Variants in IKBKB observed in about 807,000 individuals in gnomAD.
IKBKB encodes the protein inhibitor of nuclear factor kappa B kinase subunit beta, also known as inhibitor of nuclear factor kappa-B kinase subunit beta.
In IKBKB, 42 loss-of-function variants were observed where a neutral mutation model predicts 113.6. The observed-to-expected ratio is 0.37, with a 90% CI of 0.29 to 0.48. The LOEUF is 0.48. IKBKB is among the 20% of genes least tolerant of loss of function. The pLI is 0.99. For synonymous variants in IKBKB, 296 were observed against 361.3 expected, an observed-to-expected ratio of 0.82 and a Z score of 2.05; for missense variants, 673 against 939.7, an observed-to-expected ratio of 0.72 and a Z score of 3.71.
At chr8:42,295,023 GTTA>G (rs752866950) in intron 5 of IKBKB, among the ~76,000 whole-genome samples, 6 of 147,774 alleles carry the variant, frequency 4.1e-5, no homozygotes, top group Admixed American at 6.7e-5. Context: ...GCTTTGTCAA[GTTA>G]TTATTTTTTT....
chr8:42,311,610 A>G (rs1369499415), intron 8 of IKBKB, among the ~76,000 whole-genome samples: 1 of 151,872 alleles, frequency 6.6e-6, no homozygotes, highest in Non-Finnish European at 1.5e-5. Flanking sequence ...AATAAAGTGT[A>G]TCCTTTGAAA....
intron 16 of IKBKB, 148 bp downstream of exon 16, chr8:42,320,992 A>G (rs2130673869): frequency 3.8e-6 from 2 of 520,676 alleles, no homozygotes; most frequent in Middle Eastern, 4.8e-4. Flanking sequence ...GCAAATCATC[A>G]CTGAGCTTCA....
In IKBKB at chr8:42,322,422, G is replaced by A; in HGVS notation, c.1914G>A (p.Glu638=). ...AAGAGGTGGTGAGCTTAATGAATGA[G>A]GATGAGAAGACTGTTGTCCGGCTGC... ...KVEEVVSLMN[E]DEKTVVRLQE... The change falls in exon 19 of 22, where the codon GAG becomes GAA. Residue 638 remains glutamate, a synonymous_variant. Transcript: ENST00000520810. 6.2e-7 allele frequency: 1 copy of A among 1,614,018 alleles called. No individual in the cohort carries two copies. The highest frequency in any genetic ancestry group is 8.5e-7 in the Non-Finnish European group (1 of 1,180,022).
At chr8:42,277,479 C>T (rs949089861) in intron 2 of IKBKB, among the ~76,000 whole-genome samples, 4 of 152,072 alleles carry the variant, frequency 2.6e-5, no homozygotes, top group South Asian at 2.1e-4. Context: ...CACTAACAGG[C>T]GCCTGGCCTG....
At chr8:42,293,371 G>T in intron 4 of IKBKB, 72 bp from the exon 5 acceptor site, 5 of 1,595,218 alleles carry the variant, frequency 3.1e-6, no homozygotes, top group East Asian at 2.2e-5. Flanking sequence ...ACATGGGCTG[G>T]TAAGAGACAT....
chr8:42,317,203 G>C, intron 11 of IKBKB: 2 of 307,194 alleles, frequency 6.5e-6, no homozygotes. Context: ...CCTCTTCCAA[G>C]TGTACTAAAA....
intron 7 of IKBKB, among the ~76,000 whole-genome samples, chr8:42,307,104 G>T (rs909818876): frequency 2.0e-5 from 3 of 152,166 alleles, no homozygotes; most frequent in Non-Finnish European, 4.4e-5. Context: ...TGTGGTGAGT[G>T]TTACAAAGCA....
chr8:42,278,456 G>A (rs1053842813), intron 2 of IKBKB, among the ~76,000 whole-genome samples: 3 of 152,214 alleles, frequency 2.0e-5, no homozygotes, highest in African/African-American at 7.2e-5. Context: ...GAAAAAATCA[G>A]CTCTCGGAAG....
intron 2 of IKBKB, among the ~76,000 whole-genome samples, chr8:42,283,986 G>C (rs1236802448): frequency 6.6e-6 from 1 of 152,166 alleles, no homozygotes; most frequent in African/African-American, 2.4e-5. Flanking sequence ...CGGGGCCATC[G>C]GTCTCTGTTT....
At chr8:42,308,268 C>CT (rs75642735) in intron 7 of IKBKB, among the ~76,000 whole-genome samples, 30 of 142,546 alleles carry the variant, frequency 2.1e-4, no homozygotes, top group African/African-American at 6.0e-4. Context: ...TGCTGCAACC[C>CT]TTTTTTTTTT....
Position 42,332,078 on chromosome 8 carries a change from C to G in IKBKB, c.*1099C>G, listed in dbSNP as rs1428842213. The G allele has an allele frequency of 6.6e-6, 1 of 152,410 alleles. No individual in the cohort carries two copies. Among genetic ancestry groups the G allele is most frequent in the East Asian group, 1.9e-4 (1 of 5,202 alleles). The allele number at this position is 152,410 out of a possible 1,614,324, so 9.4% of individuals were successfully genotyped here. A position where few individuals can be genotyped will look rare whatever the true frequency, so the allele number is the denominator to read the frequency against. Reference sequence around the variant, plus strand: ...ATAACCCTGCTTCTTCAACATTTCACAGAACTTCTCTTTTATATAAAGGCA... The same window carrying G: ...ATAACCCTGCTTCTTCAACATTTCAGAGAACTTCTCTTTTATATAAAGGCA... On this transcript the variant is annotated 3_prime_UTR_variant, in exon 22 of 22. Coordinates refer to ENST00000520810, the MANE Select transcript of IKBKB (RefSeq NM_001556.3).
chr8:42,272,607 C>T (rs1394804440), intron 2 of IKBKB, among the ~76,000 whole-genome samples: 1 of 151,978 alleles, frequency 6.6e-6, no homozygotes, highest in East Asian at 1.9e-4. Flanking sequence ...GCAGCCTGGG[C>T]AACATAGCAA....
At chr8:42,287,894 T>C (rs1307219496) in intron 2 of IKBKB, among the ~76,000 whole-genome samples, 1 of 152,134 alleles carries the variant, frequency 6.6e-6, no homozygotes, top group Non-Finnish European at 1.5e-5. Flanking sequence ...CACTATTAGG[T>C]TGAACCACAT....
Position 42,331,517 on chromosome 8 carries a change from C to T in IKBKB, c.*538C>T. On this transcript the variant is annotated 3_prime_UTR_variant, in exon 22 of 22. Coordinates refer to ENST00000520810, the MANE Select transcript of IKBKB (RefSeq NM_001556.3). ...TGTGTTTCTTCTGGATTCAGCTTCT[C>T]CTAAACAGACAGTTTAATTATAGTT... The T allele has an allele frequency of 1.5e-6, 1 of 646,828 alleles. No homozygotes were observed. 40.1% of individuals were successfully genotyped at this position (646,828 alleles called of 1,614,324 possible).
intron 21 of IKBKB, chr8:42,329,734 G>A (rs535235994): frequency 2.0e-6 from 2 of 985,418 alleles, no homozygotes; most frequent in African/African-American, 1.7e-5. Context: ...GCAGGAACCA[G>A]CCATGGCCTT....
intron 19 of IKBKB, chr8:42,325,348 C>G (rs1415985594): frequency 1.0e-6 from 1 of 985,664 alleles, no homozygotes; most frequent in Non-Finnish European, 1.2e-6. Flanking sequence ...TGTCTGTCTT[C>G]TACCTGGAAA....
At chr8:42,311,164 C>T (rs1372574444) in intron 8 of IKBKB, among the ~76,000 whole-genome samples, 1 of 152,176 alleles carries the variant, frequency 6.6e-6, no homozygotes, top group Non-Finnish European at 1.5e-5. Flanking sequence ...CCCCTTTCAC[C>T]ACATCCTTGC....
chr8:42,326,202 CCT>C, intron 20 of IKBKB, 105 bp downstream of exon 20: 1 of 1,351,542 alleles, frequency 7.4e-7, no homozygotes, highest in Admixed American at 2.1e-5. Flanking sequence ...GGTATTACCA[CCT>C]CTCTGGATGT....
chr8:42,316,678 G>T lies in IKBKB; in HGVS notation c.931-32G>T. The T allele has an allele frequency of 6.3e-7, 1 of 1,585,044 alleles. No homozygotes were observed. The highest frequency in any genetic ancestry group is 1.1e-5 in the South Asian group (1 of 87,838). ...AGATGGGCATTTCCTTGAAGAAATC[G>T]GTTTTCCAGTAACATCTGGGTTGTG... is the stretch of plus-strand genomic sequence containing the variant. On this transcript the variant is annotated intron_variant, in intron 10 of 21. Transcript: ENST00000520810. The surrounding 1 kb of genome is among the most constrained non-coding windows in gnomAD (Gnocchi z 4.5).
Sources: gnomAD v4.1 joint callset for allele counts (sites outside exome capture counted in the v4.1 genomes callset) on GRCh38, gnomAD v4.1.1 for gene constraint, Gnocchi (gnomAD v3.1) non-coding constraint, MANE v1.5 for transcripts, NCBI Gene and HGNC (gene_info 2026-07-23, HGNC 2026-07-21) for gene names.